The following EZH2 variants were observed in gnomAD, a reference collection of about 807,000 sequenced individuals.
The protein encoded by EZH2 is histone-lysine N-methyltransferase EZH2.
In EZH2, 18 loss-of-function variants were observed where a neutral mutation model predicts 98.4. The ratio of observed to expected loss-of-function variants is 0.18; its 90% CI spans 0.13 to 0.27. The LOEUF (loss-of-function observed/expected upper bound fraction) is 0.27, where lower values mean the gene tolerates loss of function less well. EZH2 is among the 10% of genes least tolerant of loss of function. The pLI, the probability that EZH2 is intolerant of heterozygous loss-of-function variation, is 1.00. For missense variants in EZH2, 470 were observed against 935.1 expected (o/e 0.50, Z 6.49); for synonymous variants, 338 against 312.3 (o/e 1.08, Z -0.87).
chr7:148,869,371 A>AGTC (rs1273398939), intron 1 of EZH2, among the ~76,000 whole-genome samples: 1 of 123,468 alleles, frequency 8.1e-6, no homozygotes, highest in Non-Finnish European at 1.6e-5. Flanking sequence ...TTGGAGACAC[A>AGTC]GTCTCACTCT....
At chr7:148,849,292 A>G (rs1422355762) in intron 1 of EZH2, among the ~76,000 whole-genome samples, 2 of 152,182 alleles carry the variant, frequency 1.3e-5, no homozygotes, top group Non-Finnish European at 2.9e-5. Flanking sequence ...TTAAAAGCTG[A>G]GCTGGATTTC....
At chr7:148,837,487 T>C (rs1386925233) in intron 3 of EZH2, among the ~76,000 whole-genome samples, 1 of 152,208 alleles carries the variant, frequency 6.6e-6, no homozygotes, top group African/African-American at 2.4e-5. Context: ...AAAGAAAAGA[T>C]AACACGCCCA....
rs772263146 is a variant in EZH2, at chr7:148,809,303, T to A, written c.2110+7A>T. Reference sequence around the variant, plus strand: ...GGAGTTCCAATTCTCACGTCAAAGGTACCTACCTTTTGCATAGCAGTTTGG... The same window carrying A: ...GGAGTTCCAATTCTCACGTCAAAGGAACCTACCTTTTGCATAGCAGTTTGG... On this transcript the variant is annotated splice_region_variant and intron_variant, in intron 18 of 19. Coordinates refer to ENST00000320356, the MANE Select transcript of EZH2 (RefSeq NM_004456.5). 16 of 1,600,798 alleles carry A rather than the reference T, an allele frequency of 1.0e-5. No homozygotes were observed. Among genetic ancestry groups the A allele is most frequent in the Non-Finnish European group, 1.1e-5 (13 of 1,168,548 alleles).
intron 5 of EZH2, among the ~76,000 whole-genome samples, chr7:148,829,118 G>A (rs1211053168): frequency 6.6e-6 from 1 of 152,156 alleles, no homozygotes; most frequent in African/African-American, 2.4e-5. Context: ...AAACTTTCTA[G>A]TAGAAAACTG....
At chr7:148,838,156 A>G (rs371085858) in intron 3 of EZH2, among the ~76,000 whole-genome samples, 3 of 149,582 alleles carry the variant, frequency 2.0e-5, no homozygotes, top group South Asian at 4.3e-4. Context: ...GCAGCCTCAA[A>G]CTCCTGGGCT....
At chr7:148,843,381 CA>C (rs1359247855) in intron 3 of EZH2, among the ~76,000 whole-genome samples, 1 of 151,824 alleles carries the variant, frequency 6.6e-6, no homozygotes, top group Non-Finnish European at 1.5e-5. Context: ...AAAAACAAAA[CA>C]AAACCACACA....
At chr7:148,867,008 C>G (rs989474576) in intron 1 of EZH2, among the ~76,000 whole-genome samples, 1 of 150,048 alleles carries the variant, frequency 6.7e-6, no homozygotes, top group Non-Finnish European at 1.5e-5. Flanking sequence ...GCCACTGTGC[C>G]TGGCCAACTT....
intron 5 of EZH2, among the ~76,000 whole-genome samples, chr7:148,829,413 T>A (rs536648501): frequency 6.6e-6 from 1 of 152,260 alleles, no homozygotes; most frequent in South Asian, 2.1e-4. Flanking sequence ...CCAATCCTAA[T>A]TAATTTTACT....
chr7:148,834,457 A>T (rs941277430), intron 3 of EZH2, among the ~76,000 whole-genome samples: 2 of 152,090 alleles, frequency 1.3e-5, no homozygotes, highest in African/African-American at 4.8e-5. Context: ...TTCAGAGTAG[A>T]AATCTGGCAT....
At chr7:148,839,957 G>A (rs1235315347) in intron 3 of EZH2, among the ~76,000 whole-genome samples, 2 of 152,170 alleles carry the variant, frequency 1.3e-5, no homozygotes, top group South Asian at 4.1e-4. Context: ...TAAACAAACA[G>A]TAACTGACAT....
chr7:148,831,586 T>C (rs1353356939), intron 4 of EZH2, among the ~76,000 whole-genome samples: 1 of 152,168 alleles, frequency 6.6e-6, no homozygotes, highest in East Asian at 1.9e-4. Context: ...ATTTAAATAA[T>C]ATATTCTTCC....
chr7:148,819,404 T>C (rs1022150875), intron 9 of EZH2, among the ~76,000 whole-genome samples, 192 bp downstream of exon 9: 2 of 152,164 alleles, frequency 1.3e-5, no homozygotes, highest in Non-Finnish European at 2.9e-5. Flanking sequence ...AAAAGAATAA[T>C]ACCACATTAA....
At chr7:148,825,995 G>A (rs1807581918) in intron 8 of EZH2, among the ~76,000 whole-genome samples, 1 of 151,542 alleles carries the variant, frequency 6.6e-6, no homozygotes, top group Admixed American at 6.6e-5. Context: ...TTCAAATGCA[G>A]GTATTTTTAA....
rs186928577 is a variant in EZH2 at position 148,808,260 on chromosome 7, T to G, written c.2196-554A>C. ...CCACACTCTTCATTCAGAGCCAGCCTGGAGTGAAGGCAGCGGCCTTTGCTA... is the reference window on the plus strand; with the variant it reads ...CCACACTCTTCATTCAGAGCCAGCCGGGAGTGAAGGCAGCGGCCTTTGCTA... On this transcript the variant is annotated intron_variant, in intron 19 of 19. Transcript: ENST00000320356. Among the ~76,000 whole-genome samples the G allele has an allele frequency of 5.9e-5, 9 of 152,350 alleles. No homozygotes were observed. The East Asian group carries it at 1.7e-3, about 29-fold the overall frequency.
Position 148,807,406 on chromosome 7 carries a change from C to CA in EZH2, c.*239dup. On this transcript the variant is annotated 3_prime_UTR_variant, in exon 20 of 20. Transcript: ENST00000320356. ...AGGACAAGTTCAAGTATTCTTTATT[C>CA]AAAGTTGAAAAATGTACCATACTGC... The CA allele has an allele frequency of 2.0e-6, 1 of 498,344 alleles. No individual in the cohort carries two copies. Among genetic ancestry groups the CA allele is most frequent in the Non-Finnish European group, 3.6e-6 (1 of 279,938 alleles). 30.9% of individuals were successfully genotyped at this position (498,344 alleles called of 1,614,324 possible). A position where few individuals can be genotyped will look rare whatever the true frequency, so the allele number is the denominator to read the frequency against.
At chr7:148,819,101 C>T (rs780646906) in intron 9 of EZH2, 4 of 455,698 alleles carry the variant, frequency 8.8e-6, no homozygotes, top group Middle Eastern at 3.3e-4. Flanking sequence ...AGAGAGTACC[C>T]GTAAAAACAA....
At chr7:148,820,113 C>A (rs1805581842) in intron 8 of EZH2, among the ~76,000 whole-genome samples, 3 of 152,310 alleles carry the variant, frequency 2.0e-5, no homozygotes, top group Admixed American at 6.5e-5. Context: ...CAGCTTGTCA[C>A]CAGTTGTAAA....
chr7:148,828,963 C>G (rs1563244989), intron 5 of EZH2, 83 bp from the exon 6 acceptor site: 23 of 1,360,054 alleles, frequency 1.7e-5, no homozygotes, highest in Non-Finnish European at 2.3e-5. Flanking sequence ...TTGGACAAAA[C>G]AGGCATAGCC....
intron 8 of EZH2, among the ~76,000 whole-genome samples, chr7:148,820,501 A>G (rs576136815): frequency 1.2e-3 from 182 of 152,134 alleles, no homozygotes; most frequent in Non-Finnish European, 2.0e-3. Flanking sequence ...AAAACAAATC[A>G]TCTTTTAAAT....
Sources: allele counts gnomAD v4.1 joint callset (sites outside exome capture counted in the v4.1 genomes callset), GRCh38; gene constraint gnomAD v4.1.1; transcripts MANE v1.5; gene names NCBI Gene and HGNC (gene_info 2026-07-23, HGNC 2026-07-21).